The following BMPER variants were observed in gnomAD, a reference collection of about 807,000 sequenced individuals.
The protein encoded by BMPER is BMP-binding endothelial regulator protein.
A neutral mutation model predicts 87.3 loss-of-function variants in BMPER; 45 were observed. The observed-to-expected ratio is 0.52, with a 90% CI of 0.41 to 0.66. The LOEUF (loss-of-function observed/expected upper bound fraction) is 0.66, where lower values mean the gene tolerates loss of function less well. Among genes scored for constraint, BMPER ranks in the 30% least tolerant of loss-of-function variants. The pLI, the probability that BMPER is intolerant of heterozygous loss-of-function variation, is 0.00. For missense variants in BMPER, 784 were observed against 867.5 expected, an observed-to-expected ratio of 0.90 and a Z score of 1.21; for synonymous variants, 326 against 316.2, an observed-to-expected ratio of 1.03 and a Z score of -0.33.
intron 6 of BMPER, among the ~76,000 whole-genome samples, chr7:34,030,594 T>C (rs1231587362): frequency 6.6e-6 from 1 of 152,088 alleles, no homozygotes; most frequent in Non-Finnish European, 1.5e-5. Flanking sequence ...GTTTAGAAGA[T>C]GCTGCAGGAG....
At chr7:34,144,584 G>A (rs1790970235) in intron 14 of BMPER, among the ~76,000 whole-genome samples, 1 of 128,918 alleles carries the variant, frequency 7.8e-6, no homozygotes, top group African/African-American at 2.7e-5. Context: ...AAGGGAGAGA[G>A]TCTAGATTTT....
At chr7:33,993,164 T>A (rs1191153220) in intron 6 of BMPER, among the ~76,000 whole-genome samples, 2 of 147,506 alleles carry the variant, frequency 1.4e-5, no homozygotes, top group African/African-American at 2.5e-5. Flanking sequence ...AATGTTGGCC[T>A]GCCTTGCTAG....
At chr7:34,151,260 T>C (rs1791168497) in intron 14 of BMPER, among the ~76,000 whole-genome samples, 1 of 152,196 alleles carries the variant, frequency 6.6e-6, no homozygotes, top group Non-Finnish European at 1.5e-5. Flanking sequence ...ATAACAGCTT[T>C]ATTTAGCAAG....
intron 6 of BMPER, among the ~76,000 whole-genome samples, chr7:33,983,721 A>G (rs1785922025): frequency 6.6e-6 from 1 of 152,208 alleles, no homozygotes; most frequent in Admixed American, 6.5e-5. Flanking sequence ...CTCTCCCTGC[A>G]CCAACCAGTG....
At chr7:34,020,047 A>G (rs1787139620) in intron 6 of BMPER, among the ~76,000 whole-genome samples, 1 of 151,626 alleles carries the variant, frequency 6.6e-6, no homozygotes, top group African/African-American at 2.4e-5. Context: ...AAGTGAGGGA[A>G]CAGCATGTAC....
intron 3 of BMPER, among the ~76,000 whole-genome samples, chr7:33,944,197 G>A (rs951292066): frequency 2.6e-5 from 4 of 151,616 alleles, no homozygotes; most frequent in Admixed American, 6.6e-5. Flanking sequence ...GACAGGTCTC[G>A]CTCTGTCGCC....
intron 6 of BMPER, among the ~76,000 whole-genome samples, chr7:34,016,524 A>G (rs1787031387): frequency 6.6e-6 from 1 of 151,950 alleles, no homozygotes; most frequent in African/African-American, 2.4e-5. Flanking sequence ...TCAACTCTTT[A>G]TGATTTCTCA....
chr7:34,060,884 T>C (rs1788419380), intron 10 of BMPER, among the ~76,000 whole-genome samples: 1 of 152,188 alleles, frequency 6.6e-6, no homozygotes, highest in South Asian at 2.1e-4. Context: ...TAGCAGATAA[T>C]AAATATTAAA....
chr7:34,122,167 A>C (rs1458756568), intron 13 of BMPER, among the ~76,000 whole-genome samples: 1 of 152,134 alleles, frequency 6.6e-6, no homozygotes, highest in Non-Finnish European at 1.5e-5. Flanking sequence ...AAGCTTGTAC[A>C]CAAAGACTCT....
chr7:33,912,376 C>T (rs1415297748), intron 2 of BMPER, among the ~76,000 whole-genome samples: 2 of 152,144 alleles, frequency 1.3e-5, no homozygotes, highest in East Asian at 3.9e-4. Flanking sequence ...GTTTTTGTTG[C>T]CTACTTACTC....
intron 13 of BMPER, among the ~76,000 whole-genome samples, chr7:34,133,242 C>G (rs1790638707): frequency 6.6e-6 from 1 of 152,024 alleles, no homozygotes; most frequent in Non-Finnish European, 1.5e-5. Context: ...CCTCTAGCCT[C>G]CAAGGAGGGG....
intron 10 of BMPER, 71 bp from the exon 11 acceptor site, chr7:34,061,931 T>C (rs1474426119): frequency 1.6e-6 from 2 of 1,281,302 alleles, no homozygotes; most frequent in Non-Finnish European, 2.2e-6. Context: ...TAAAAAGATA[T>C]TTGTCCTCAG....
intron 13 of BMPER, among the ~76,000 whole-genome samples, chr7:34,141,322 A>G (rs1268899079): frequency 6.6e-6 from 1 of 152,174 alleles, no homozygotes; most frequent in East Asian, 1.9e-4. Flanking sequence ...AAGAAATACA[A>G]TCTTGAGCCA....
intron 3 of BMPER, among the ~76,000 whole-genome samples, chr7:33,953,574 C>T (rs990524005): frequency 6.6e-6 from 1 of 152,184 alleles, no homozygotes; most frequent in Non-Finnish European, 1.5e-5. Flanking sequence ...AGCCCTACTC[C>T]AGACCAAATG....
intron 13 of BMPER, among the ~76,000 whole-genome samples, chr7:34,129,560 A>G (rs1790496303): frequency 7.8e-6 from 1 of 128,900 alleles, no homozygotes. Flanking sequence ...CAGAAAGAAA[A>G]GGAAGGAAGG....
chr7:33,988,399 C>T (rs2127923184), intron 6 of BMPER, among the ~76,000 whole-genome samples: 1 of 152,240 alleles, frequency 6.6e-6, no homozygotes, highest in Admixed American at 6.5e-5. Context: ...TCTTTAATAA[C>T]TAAGCCCACT....
chr7:34,122,808 A>C (rs1044818571), intron 13 of BMPER, among the ~76,000 whole-genome samples: 1 of 152,220 alleles, frequency 6.6e-6, no homozygotes, highest in African/African-American at 2.4e-5. Context: ...ATAGGTACAT[A>C]ATGATGATTT....
chr7:34,083,017 G>A lies in BMPER; in HGVS notation c.1409-2739G>A, dbSNP rs117358941. 7.9e-5 allele frequency among the ~76,000 whole-genome samples: 12 copies of A among 152,290 alleles called. No homozygotes were observed. The East Asian group carries it at 1.9e-3, about 25-fold the overall frequency. On this transcript the variant is annotated intron_variant, in intron 12 of 14. Transcript: ENST00000649409. ...TCAAGTTTCTTCAATACCTGACAGAGTGTATTACAAATCATCTTATAGTTT... is the reference window on the plus strand; with the variant it reads ...TCAAGTTTCTTCAATACCTGACAGAATGTATTACAAATCATCTTATAGTTT...
At chr7:33,992,024 G>T (rs1786235772) in intron 6 of BMPER, among the ~76,000 whole-genome samples, 1 of 151,096 alleles carries the variant, frequency 6.6e-6, no homozygotes, top group Admixed American at 6.6e-5. Flanking sequence ...GCTGAGGAGA[G>T]CTTTACTTCC....
Sources: gnomAD v4.1 joint callset for allele counts (sites outside exome capture counted in the v4.1 genomes callset) on GRCh38, gnomAD v4.1.1 for gene constraint, MANE v1.5 for transcripts, NCBI Gene and HGNC (gene_info 2026-07-23, HGNC 2026-07-21) for gene names.